The following CFAP61 variants were observed in gnomAD, a reference collection of about 807,000 sequenced individuals.
The protein encoded by CFAP61 is cilia and flagella associated protein 61, also known as cilia- and flagella-associated protein 61.
Under a neutral mutation model 135.6 loss-of-function variants are expected in CFAP61, and 107 were observed. The observed-to-expected ratio is 0.79, with a 90% CI of 0.67 to 0.93. The LOEUF is 0.93. Among genes scored for constraint, CFAP61 ranks in the 40% least tolerant of loss-of-function variants. The pLI, the probability that CFAP61 is intolerant of heterozygous loss-of-function variation, is 0.00. For missense variants in CFAP61, 1,507 were observed against 1,556.2 expected, an observed-to-expected ratio of 0.97 and a Z score of 0.53; for synonymous variants, 575 against 578.5, an observed-to-expected ratio of 0.99 and a Z score of 0.09.
chr20:20,279,407 T>C (rs2054013179), intron 22 of CFAP61, among the ~76,000 whole-genome samples: 1 of 152,232 alleles, frequency 6.6e-6, no homozygotes, highest in Non-Finnish European at 1.5e-5. Context: ...ATGTATTGTA[T>C]ACTCTATCCT....
At chr20:20,247,155 AT>A (rs551954602) in intron 19 of CFAP61, among the ~76,000 whole-genome samples, 38 of 152,272 alleles carry the variant, frequency 2.5e-4, no homozygotes, top group Non-Finnish European at 4.6e-4. Context: ...AGCTTGCTGG[AT>A]TTTTTGTTAA....
At chr20:20,357,853 TG>T (rs2059297074) in intron 26 of CFAP61, among the ~76,000 whole-genome samples, 1 of 6,900 alleles carries the variant, frequency 1.4e-4, no homozygotes, top group African/African-American at 6.5e-4. Flanking sequence ...GTGGTCACAG[TG>T]TGAGGGGAGG....
intron 18 of CFAP61, among the ~76,000 whole-genome samples, chr20:20,234,989 T>G (rs1386814609): frequency 6.6e-6 from 1 of 152,006 alleles, no homozygotes; most frequent in Non-Finnish European, 1.5e-5. Context: ...CCCCACTAAT[T>G]AAATTTGCAT....
chr20:20,280,985 G>A lies in CFAP61; in HGVS notation c.2796+3527G>A, dbSNP rs527504749. On this transcript the variant is annotated intron_variant, in intron 22 of 26. Coordinates refer to ENST00000245957, the MANE Select transcript of CFAP61 (RefSeq NM_015585.4). ...AATTAATTATGTTTGGTATCTTTTCGTTTTTTTAGTAGCCATTAGTATTTC... is the reference window on the plus strand; with the variant it reads ...AATTAATTATGTTTGGTATCTTTTCATTTTTTTAGTAGCCATTAGTATTTC... 7.9e-5 allele frequency among the ~76,000 whole-genome samples: 12 copies of A among 151,816 alleles called. No homozygotes were observed. In the South Asian group the frequency reaches 1.2e-3, roughly 16 times the overall value.
intron 18 of CFAP61, among the ~76,000 whole-genome samples, chr20:20,242,261 G>A (rs1397819666): frequency 2.6e-5 from 4 of 152,136 alleles, no homozygotes; most frequent in African/African-American, 9.7e-5. Flanking sequence ...TTGAAGGGGA[G>A]GTGTGAACTA....
intron 9 of CFAP61, among the ~76,000 whole-genome samples, chr20:20,148,401 ATTTG>A (rs1270907404): frequency 3.3e-5 from 5 of 151,984 alleles, no homozygotes; most frequent in African/African-American, 1.2e-4. Context: ...ATGTATTTCC[ATTTG>A]TTTGTGTCAT....
At chr20:20,265,426 G>C (rs2052637801) in intron 21 of CFAP61, 1 of 779,814 alleles carries the variant, frequency 1.3e-6, no homozygotes, top group Non-Finnish European at 2.4e-6. Context: ...TGGAGGAAGA[G>C]CATCAGTGTT....
At chr20:20,226,979 T>C (rs977091844) in intron 17 of CFAP61, among the ~76,000 whole-genome samples, 1 of 152,264 alleles carries the variant, frequency 6.6e-6, no homozygotes, top group Non-Finnish European at 1.5e-5. Flanking sequence ...CTCCCACTTT[T>C]GTTTTAAATT....
At chr20:20,187,335 G>T (rs962688944) in intron 13 of CFAP61, among the ~76,000 whole-genome samples, 18 of 152,346 alleles carry the variant, frequency 1.2e-4, no homozygotes, top group African/African-American at 3.1e-4. Flanking sequence ...GGTGCCAGGG[G>T]CAGGGAGCAG....
rs2059399616 is a variant in CFAP61 at position 20,359,573 on chromosome 20, A to G, written c.3514-637A>G. On this transcript the variant is annotated intron_variant, in intron 26 of 26. Coordinates refer to ENST00000245957, the MANE Select transcript of CFAP61 (RefSeq NM_015585.4). This position sits in a 1 kb window ranked among gnomAD's most constrained non-coding sequence, Gnocchi z 4.0. ...CAGCTACTTGGGAGGCTGAGGCAGG[A>G]GAATAGTTTGAACCTGGTAGGCGGA... Among the ~76,000 whole-genome samples the G allele has an allele frequency of 6.6e-6, 1 of 152,138 alleles. No homozygotes were observed. The highest frequency in any genetic ancestry group is 1.5e-5 in the Non-Finnish European group (1 of 68,024).
intron 2 of CFAP61, among the ~76,000 whole-genome samples, chr20:20,062,784 C>G (rs991768612): frequency 6.6e-6 from 1 of 152,162 alleles, no homozygotes; most frequent in African/African-American, 2.4e-5. Context: ...TTAGTTTCTT[C>G]CATTGATGAA....
intron 8 of CFAP61, among the ~76,000 whole-genome samples, chr20:20,119,591 C>T (rs1285298264): frequency 6.6e-6 from 1 of 152,084 alleles, no homozygotes; most frequent in Non-Finnish European, 1.5e-5. Flanking sequence ...TTTTTGGTCT[C>T]AATTTCATTT....
intron 2 of CFAP61, among the ~76,000 whole-genome samples, chr20:20,059,984 A>G (rs997405168): frequency 1.3e-5 from 2 of 152,198 alleles, no homozygotes; most frequent in African/African-American, 4.8e-5. Flanking sequence ...TGGATCCCAA[A>G]GGGGATAAAT....
rs573563989 is a variant in CFAP61, at chr20:20,095,254, C to T, written c.700-3401C>T. On this transcript the variant is annotated intron_variant, in intron 7 of 26. Transcript: ENST00000245957. The stretch of plus-strand genomic sequence containing the variant: ...CACTTGACATTGACCATGATGACAG[C>T]GCTTACACCTCAGAAATCGGCAAAT... 7.9e-5 allele frequency among the ~76,000 whole-genome samples: 12 copies of T among 152,112 alleles called. 1 individual carries two copies. The South Asian group carries it at 1.0e-3, about 13-fold the overall frequency.
At chr20:20,109,184 T>G (rs772897010) in intron 8 of CFAP61, among the ~76,000 whole-genome samples, 6 of 152,202 alleles carry the variant, frequency 3.9e-5, no homozygotes, top group Non-Finnish European at 7.3e-5. Context: ...TCTGCCCTGT[T>G]ACTGATGATG....
Position 20,056,744 on chromosome 20 carries a change from A to G in CFAP61, c.91A>G (p.Ile31Val). 2 of 1,614,082 alleles carry G rather than the reference A, an allele frequency of 1.2e-6. No homozygotes were observed. Among genetic ancestry groups the G allele is most frequent in the South Asian group, 1.1e-5 (1 of 91,086 alleles). Reference sequence around the variant, plus strand: ...GGATGTTTATTGTATCAAAAGCCTTATTAGAAAATTTACCTGCAAGCTGTT... The same window carrying G: ...GGATGTTTATTGTATCAAAAGCCTTGTTAGAAAATTTACCTGCAAGCTGTT... ...SQDVYCIKSL[I>V]RKFTCKLFGK... Residue 31 changes from isoleucine to valine, a missense_variant, in exon 2 of 27, where the codon ATT (isoleucine) becomes GTT (valine). Ile to Val is a conservative substitution (Grantham distance 29). Coordinates refer to ENST00000245957, the MANE Select transcript of CFAP61 (RefSeq NM_015585.4).
At chr20:20,138,211 G>A (rs1475034420) in intron 8 of CFAP61, among the ~76,000 whole-genome samples, 5 of 152,114 alleles carry the variant, frequency 3.3e-5, no homozygotes, top group South Asian at 2.1e-4. Flanking sequence ...TGTGAGATGC[G>A]GTGCCTGGGA....
At chr20:20,286,533 C>T (rs1164031951) in intron 22 of CFAP61, among the ~76,000 whole-genome samples, 1 of 152,218 alleles carries the variant, frequency 6.6e-6, no homozygotes, top group Non-Finnish European at 1.5e-5. Context: ...GAGTTTTGCT[C>T]TCCTTAATCA....
Position 20,277,199 on chromosome 20 carries a change from C to T in CFAP61, c.2537C>T (p.Thr846Ile), listed in dbSNP as rs746295859. ...NIIVYGNTID[T>I]YTTVETLLNL... ...ATTGTCTATGGGAATACAATTGATACTTACACCACCGTGGAGACGCTCTTA... is the reference window on the plus strand; with the variant it reads ...ATTGTCTATGGGAATACAATTGATATTTACACCACCGTGGAGACGCTCTTA... The change falls in exon 22 of 27, where the codon ACT becomes ATT. Residue 846 changes from threonine (T) to isoleucine (I), a missense_variant. Thr to Ile is a moderately conservative substitution (Grantham distance 89). Transcript: ENST00000245957. 1.9e-6 allele frequency: 3 copies of T among 1,613,072 alleles called. No individual in the cohort carries two copies. The highest frequency in any genetic ancestry group is 2.2e-5 in the East Asian group (1 of 44,866).
Sources: gnomAD v4.1 joint callset for allele counts (sites outside exome capture counted in the v4.1 genomes callset) on GRCh38, gnomAD v4.1.1 for gene constraint, Gnocchi (gnomAD v3.1) non-coding constraint, MANE v1.5 for transcripts, NCBI Gene and HGNC (gene_info 2026-07-23, HGNC 2026-07-21) for gene names.